The following USH2A variants were observed in gnomAD, a reference collection of about 807,000 sequenced individuals.
The protein encoded by USH2A is usherin, also known as Usher syndrome 2A (autosomal recessive, mild).
Under a neutral mutation model 538.9 loss-of-function variants are expected in USH2A, and 443 were observed. The observed-to-expected ratio is 0.82, with a 90% confidence interval of 0.76 to 0.89. USH2A has a LOEUF of 0.89. Ranked by LOEUF, USH2A falls within the 40% of genes least tolerant of loss-of-function variation. The pLI is 0.00. For missense variants in USH2A, 6,633 were observed against 6,324.8 expected (o/e 1.05, Z -1.65); for synonymous variants, 2,413 against 2,273.5 (o/e 1.06, Z -1.75).
chr1:216,335,044 T>C (rs567693086), intron 4 of USH2A, among the ~76,000 whole-genome samples: 3 of 151,752 alleles, frequency 2.0e-5, no homozygotes, highest in Admixed American at 2.0e-4. Context: ...ATAGATTATA[T>C]GTTAGGCCAT....
chr1:216,136,369 T>C lies in USH2A; in HGVS notation c.4627+38883A>G, dbSNP rs375974536. Among the ~76,000 whole-genome samples, 14 of 152,316 alleles carry C rather than the reference T, an allele frequency of 9.2e-5. 1 individual carries two copies. The highest frequency in any genetic ancestry group is 3.3e-4 in the Admixed American group (5 of 15,288). Reference sequence around the variant, plus strand: ...GATTAAATACTAGTTATTAAAGCTTTTGAAATATCATCCAATTGCTTTAGT... The same window carrying C: ...GATTAAATACTAGTTATTAAAGCTTCTGAAATATCATCCAATTGCTTTAGT... On this transcript the variant is annotated intron_variant, in intron 21 of 71. Transcript: ENST00000307340.
chr1:215,864,945 A>AATAT (rs962229564), intron 44 of USH2A, among the ~76,000 whole-genome samples: 1 of 151,756 alleles, frequency 6.6e-6, no homozygotes, highest in African/African-American at 2.4e-5. Flanking sequence ...CATGCTTTAA[A>AATAT]ATATATATAT....
chr1:216,132,497 T>A (rs1389769026), intron 21 of USH2A, among the ~76,000 whole-genome samples: 1 of 152,094 alleles, frequency 6.6e-6, no homozygotes, highest in Non-Finnish European at 1.5e-5. Flanking sequence ...AGGCCAGCCA[T>A]GACTGAGAAA....
At chr1:215,914,800 C>T (rs898163725) in intron 38 of USH2A, among the ~76,000 whole-genome samples, 2 of 152,106 alleles carry the variant, frequency 1.3e-5, no homozygotes, top group African/African-American at 4.8e-5. Context: ...TAGAGTTATG[C>T]CTGGTGGCTA....
At chr1:215,960,380 G>A (rs1667169667) in intron 37 of USH2A, among the ~76,000 whole-genome samples, 1 of 152,004 alleles carries the variant, frequency 6.6e-6, no homozygotes, top group Non-Finnish European at 1.5e-5. Flanking sequence ...TATTCAATAT[G>A]TTTCACAAGG....
intron 47 of USH2A, among the ~76,000 whole-genome samples, chr1:215,830,265 A>G (rs1362442130): frequency 2.6e-5 from 4 of 152,204 alleles, no homozygotes; most frequent in Non-Finnish European, 1.5e-5. Context: ...GAAAACCCCC[A>G]TTTTTGTTTT....
At chr1:216,034,779 A>G (rs1287002009) in intron 32 of USH2A, among the ~76,000 whole-genome samples, 2 of 152,164 alleles carry the variant, frequency 1.3e-5, no homozygotes, top group African/African-American at 2.4e-5. Flanking sequence ...ATTCTCCCCT[A>G]CAGTTTTCAG....
At chr1:215,768,442 C>T (rs550655389) in intron 55 of USH2A, among the ~76,000 whole-genome samples, 1 of 150,644 alleles carries the variant, frequency 6.6e-6, no homozygotes, top group African/African-American at 2.5e-5. Context: ...GCTGGAGCTG[C>T]TCCAAGGTTT....
Position 216,246,833 on chromosome 1 carries a change from G to T in USH2A, c.2561C>A (p.Thr854Lys), listed in dbSNP as rs1288923263. 1.2e-6 allele frequency: 2 copies of T among 1,614,016 alleles called. No individual in the cohort carries two copies. Among genetic ancestry groups the T allele is most frequent in the Non-Finnish European group, 1.7e-6 (2 of 1,179,986 alleles). Residue 854 changes from threonine to lysine, a missense_variant, in exon 13 of 72, where the codon ACA becomes AAA. By Grantham distance (78) the Thr-to-Lys change is moderately conservative. Coordinates refer to ENST00000307340, the MANE Select transcript of USH2A (RefSeq NM_206933.4). ...CLPCNCDKTG[T>K]INGSLLCNKS... ...GTTACACAGCAGAGAGCCATTTATT[G>T]TCCCAGTCTTATCACAGTTGCAAGG...
At chr1:215,685,908 G>T (rs1658410302) in intron 61 of USH2A, among the ~76,000 whole-genome samples, 1 of 152,060 alleles carries the variant, frequency 6.6e-6, no homozygotes, top group Non-Finnish European at 1.5e-5. Context: ...CGTACATGCA[G>T]AGTTGCTCCG....
intron 50 of USH2A, among the ~76,000 whole-genome samples, chr1:215,791,853 T>C (rs1661992761): frequency 6.6e-6 from 1 of 152,158 alleles, no homozygotes; most frequent in Non-Finnish European, 1.5e-5. Context: ...TGTGTATATA[T>C]ACACACACAA....
At chr1:216,393,699 C>T (rs2039152310) in intron 3 of USH2A, among the ~76,000 whole-genome samples, 1 of 152,120 alleles carries the variant, frequency 6.6e-6, no homozygotes. Context: ...CAGCCTATCT[C>T]TCCCTGCCAA....
chr1:216,402,672 C>T (rs1479739827), intron 3 of USH2A, among the ~76,000 whole-genome samples: 3 of 152,066 alleles, frequency 2.0e-5, no homozygotes, highest in African/African-American at 7.2e-5. Context: ...ATATAACATG[C>T]AAAATATGTG....
In USH2A at chr1:216,048,598, A is replaced by G. The variant is rs1414181010; in HGVS notation, c.6099T>C (p.Thr2033=). Residue 2033 remains threonine, a synonymous_variant, in exon 31 of 72, where the codon ACT becomes ACC. Coordinates refer to ENST00000307340, the MANE Select transcript of USH2A (RefSeq NM_206933.4). ...LPFKNYAVTL[T]ACTLAGCTES... is the part of the protein sequence containing the mutation. ...CAGTACAGCCAGCCAAAGTGCAAGC[A>G]GTTAGGGTTACTGCATAGTTTTTGA... 1.2e-6 allele frequency: 2 copies of G among 1,614,138 alleles called. No individual in the cohort carries two copies. The highest frequency in any genetic ancestry group is 8.5e-7 in the Non-Finnish European group (1 of 1,179,994).
chr1:216,126,349 G>T (rs545352808), intron 21 of USH2A, among the ~76,000 whole-genome samples: 4 of 151,874 alleles, frequency 2.6e-5, no homozygotes, highest in African/African-American at 9.7e-5. Flanking sequence ...TCAGCCTCCC[G>T]GGTAACTGGG....
chr1:216,395,348 A>G (rs1250169840), intron 3 of USH2A, among the ~76,000 whole-genome samples: 1 of 152,210 alleles, frequency 6.6e-6, no homozygotes, highest in Non-Finnish European at 1.5e-5. Context: ...ACTCCAAAAA[A>G]TATATTTTAT....
chr1:215,700,514 C>A (rs1658972678), intron 61 of USH2A, among the ~76,000 whole-genome samples: 1 of 152,138 alleles, frequency 6.6e-6, no homozygotes, highest in Admixed American at 6.5e-5. Context: ...AGAGATTCAA[C>A]TTCTTCCTGG....
intron 14 of USH2A, among the ~76,000 whole-genome samples, chr1:216,218,283 G>A (rs2035384919): frequency 6.6e-6 from 1 of 152,030 alleles, no homozygotes; most frequent in Admixed American, 6.6e-5. Flanking sequence ...TACCAGTAGT[G>A]GCATTTTGCC....
chr1:216,200,991 C>G (rs185393095), intron 16 of USH2A, among the ~76,000 whole-genome samples: 1 of 84,862 alleles, frequency 1.2e-5, no homozygotes, highest in Non-Finnish European at 2.3e-5. Flanking sequence ...CTCCCTCCCT[C>G]CCTCCCTCCC....
Sources: gnomAD v4.1 joint callset for allele counts (sites outside exome capture counted in the v4.1 genomes callset) on GRCh38, gnomAD v4.1.1 for gene constraint, MANE v1.5 for transcripts, NCBI Gene and HGNC (gene_info 2026-07-23, HGNC 2026-07-21) for gene names.